The following KCNMA1 variants were observed in gnomAD, a reference collection of about 807,000 sequenced individuals.
The protein encoded by KCNMA1 is potassium calcium-activated channel subfamily M alpha 1.
In KCNMA1, 29 loss-of-function variants were observed where a neutral mutation model predicts 140.0. That is an observed-to-expected ratio of 0.21 (90% CI 0.15 to 0.28). The LOEUF (loss-of-function observed/expected upper bound fraction) is 0.28. Among genes scored for constraint, KCNMA1 ranks in the 10% least tolerant of loss-of-function variants. The pLI, the probability that KCNMA1 is intolerant of heterozygous loss-of-function variation, is 1.00. For missense variants in KCNMA1, 880 were observed against 1,602.2 expected (o/e 0.55, Z 7.70); for synonymous variants, 612 against 611.9 (o/e 1.00, Z 0.00).
chr10:77,309,253 G>A (rs1485077772), intron 2 of KCNMA1, among the ~76,000 whole-genome samples: 2 of 152,126 alleles, frequency 1.3e-5, no homozygotes, highest in African/African-American at 2.4e-5. Flanking sequence ...ATGTACACAC[G>A]AGCCCACAAC....
chr10:77,440,900 G>T (rs780965892), intron 1 of KCNMA1, among the ~76,000 whole-genome samples: 1 of 152,142 alleles, frequency 6.6e-6, no homozygotes, highest in Non-Finnish European at 1.5e-5. Context: ...CTCACTGCAA[G>T]CTCCGCCTCC....
intron 1 of KCNMA1, among the ~76,000 whole-genome samples, chr10:77,620,185 C>G (rs765719232): frequency 6.6e-6 from 1 of 152,136 alleles, no homozygotes; most frequent in East Asian, 1.9e-4. Flanking sequence ...TCGACCTCAC[C>G]CAGAACCAGC....
At chr10:77,036,329 C>T (rs2094329251) in intron 15 of KCNMA1, among the ~76,000 whole-genome samples, 1 of 152,180 alleles carries the variant, frequency 6.6e-6, no homozygotes, top group Non-Finnish European at 1.5e-5. Context: ...TTTTGCTCTC[C>T]TTCCTGTTCT....
intron 25 of KCNMA1, among the ~76,000 whole-genome samples, chr10:76,900,854 A>C (rs570369533): frequency 2.0e-5 from 3 of 151,518 alleles, no homozygotes; most frequent in Non-Finnish European, 4.4e-5. Context: ...TGGAGATATC[A>C]TGACAATATG....
chr10:77,551,370 T>C (rs1295278841), intron 1 of KCNMA1, among the ~76,000 whole-genome samples: 2 of 152,186 alleles, frequency 1.3e-5, no homozygotes, highest in Admixed American at 1.3e-4. Context: ...CCCTGAGCCA[T>C]GGTGGGAAGA....
intron 5 of KCNMA1, among the ~76,000 whole-genome samples, chr10:77,181,700 T>C (rs1246727839): frequency 6.6e-6 from 1 of 152,122 alleles, no homozygotes; most frequent in Admixed American, 6.6e-5. Context: ...GATTTGTGTG[T>C]GACTCTACTA....
At chr10:77,538,685 AC>A (rs1173195361) in intron 1 of KCNMA1, among the ~76,000 whole-genome samples, 1 of 151,696 alleles carries the variant, frequency 6.6e-6, no homozygotes, top group Non-Finnish European at 1.5e-5. Flanking sequence ...CATCAATGGC[AC>A]CCCCTCCCCC....
At chr10:76,931,305 T>A (rs1323636646) in intron 23 of KCNMA1, among the ~76,000 whole-genome samples, 1 of 152,158 alleles carries the variant, frequency 6.6e-6, no homozygotes, top group East Asian at 1.9e-4. Context: ...GTCAGTTGTA[T>A]TTCAATAAAC....
chr10:77,216,702 A>T (rs1400618159), intron 3 of KCNMA1, among the ~76,000 whole-genome samples: 1 of 152,250 alleles, frequency 6.6e-6, no homozygotes, highest in Non-Finnish European at 1.5e-5. Context: ...TTACTTCTTT[A>T]AAGATAATTT....
intron 1 of KCNMA1, among the ~76,000 whole-genome samples, chr10:77,623,415 G>A (rs2154569990): frequency 6.6e-6 from 1 of 152,236 alleles, no homozygotes; most frequent in East Asian, 1.9e-4. Flanking sequence ...ACTTGGAACA[G>A]CTGGGTGCAG....
In KCNMA1 at chr10:76,887,389, C is replaced by A. The variant is rs75138661; in HGVS notation, c.3588G>T (p.Ser1196=). Residue 1196 remains serine (S), a synonymous_variant, in exon 28 of 28, where the codon TCG becomes TCT. Transcript: ENST00000286628. ...RASLSHSSHS[S]QSSSKKSSSV... is the part of the protein sequence containing the mutation. ...AGGAGCTCTTCTTGCTGGAGGACTGCGACGAGTGGGAGGAATGGGACAGGC... is the reference window on the plus strand; with the variant it reads ...AGGAGCTCTTCTTGCTGGAGGACTGAGACGAGTGGGAGGAATGGGACAGGC... 4.3e-6 allele frequency: 7 copies of A among 1,614,046 alleles called. No homozygotes were observed. The highest frequency in any genetic ancestry group is 5.9e-6 in the Non-Finnish European group (7 of 1,180,010).
intron 14 of KCNMA1, among the ~76,000 whole-genome samples, chr10:77,058,790 T>C (rs554099437): frequency 6.6e-6 from 1 of 151,848 alleles, no homozygotes; most frequent in East Asian, 1.9e-4. Flanking sequence ...GCACAAAATG[T>C]TTACACCAAA....
intron 19 of KCNMA1, among the ~76,000 whole-genome samples, chr10:76,989,720 T>C (rs1323331902): frequency 6.6e-6 from 1 of 152,158 alleles, no homozygotes; most frequent in Non-Finnish European, 1.5e-5. Context: ...TATACTAAGC[T>C]GTTCAACTCT....
chr10:77,184,467 G>T (rs573433720), intron 4 of KCNMA1, among the ~76,000 whole-genome samples: 1 of 152,176 alleles, frequency 6.6e-6, no homozygotes, highest in Non-Finnish European at 1.5e-5. Context: ...TGATTCACCC[G>T]CCTCAGCCTC....
rs79325791 is a variant in KCNMA1 at position 77,468,714 on chromosome 10, C to T, written c.379-64691G>A. On this transcript the variant is annotated intron_variant, in intron 1 of 27. Transcript: ENST00000286628. ...GAAAATTAATTTCTGTTGTGTAAGC[C>T]ACCTGGCCTGTAGTACTTTGTCACA... 2.2e-3 allele frequency among the ~76,000 whole-genome samples: 337 copies of T among 152,292 alleles called. 2 individuals are homozygous for T. The highest frequency in any genetic ancestry group is 7.8e-3 in the African/African-American group (326 of 41,548).
intron 15 of KCNMA1, among the ~76,000 whole-genome samples, chr10:77,029,976 G>GAA (rs2093797680): frequency 6.6e-6 from 1 of 152,216 alleles, no homozygotes; most frequent in South Asian, 2.1e-4. Flanking sequence ...GTTTAAAAGA[G>GAA]AAAAGTGACA....
At chr10:77,305,356 T>C (rs921321070) in intron 2 of KCNMA1, among the ~76,000 whole-genome samples, 1 of 152,220 alleles carries the variant, frequency 6.6e-6, no homozygotes, top group Non-Finnish European at 1.5e-5. Context: ...TCTTTATCTT[T>C]ATAATCACCC....
chr10:77,182,719 T>C (rs1389770230), intron 5 of KCNMA1, among the ~76,000 whole-genome samples: 1 of 152,190 alleles, frequency 6.6e-6, no homozygotes, highest in Admixed American at 6.5e-5. Flanking sequence ...ACAGCAGGAA[T>C]ACTCTGAATT....
intron 5 of KCNMA1, among the ~76,000 whole-genome samples, chr10:77,151,447 C>T (rs1477258885): frequency 2.4e-5 from 3 of 125,518 alleles, no homozygotes; most frequent in African/African-American, 6.4e-5. Context: ...AGGATGGTCT[C>T]GATCTCTTGA....
Sources: allele counts gnomAD v4.1 joint callset (sites outside exome capture counted in the v4.1 genomes callset), GRCh38; gene constraint gnomAD v4.1.1; transcripts MANE v1.5; gene names NCBI Gene and HGNC (gene_info 2026-07-23, HGNC 2026-07-21).